Variants in FOXP1 observed in about 807,000 individuals in gnomAD.
FOXP1 encodes forkhead box protein P1.
FOXP1 carries 15 observed loss-of-function variants against 98.2 expected under a neutral mutation model. The observed-to-expected ratio is 0.15, with a 90% CI of 0.10 to 0.24. The LOEUF (loss-of-function observed/expected upper bound fraction) is 0.24, where lower values mean the gene tolerates loss of function less well. Among genes scored for constraint, FOXP1 ranks in the 10% least tolerant of loss-of-function variants. FOXP1 has a pLI of 1.00. For synonymous variants in FOXP1, 371 were observed against 314.5 expected (o/e 1.18, Z -1.90); for missense variants, 633 against 848.5 (o/e 0.75, Z 3.15).
intron 2 of FOXP1, among the ~76,000 whole-genome samples, chr3:71,576,883 T>C (rs1323005580): frequency 1.3e-5 from 2 of 152,138 alleles, no homozygotes; most frequent in East Asian, 3.9e-4. Flanking sequence ...GCTGGCTAGA[T>C]AGGAAACATT....
chr3:71,580,370 T>A (rs1250331376), intron 2 of FOXP1, among the ~76,000 whole-genome samples: 1 of 147,374 alleles, frequency 6.8e-6, no homozygotes, highest in Non-Finnish European at 1.5e-5. Context: ...GCTCTTTAAT[T>A]GTGAGACGTT....
intron 18 of FOXP1, chr3:70,971,993 G>C: frequency 7.4e-7 from 1 of 1,346,216 alleles, no homozygotes. Flanking sequence ...AAAAACAAAA[G>C]CAAGTAAAGG....
intron 4 of FOXP1, among the ~76,000 whole-genome samples, chr3:71,340,133 C>A (rs1166983163): frequency 6.6e-6 from 1 of 152,080 alleles, no homozygotes; most frequent in Non-Finnish European, 1.5e-5. Context: ...GTAGATAACC[C>A]CCTGCCCCCC....
Position 70,955,710 on chromosome 3 carries a change from AAAC to A in FOXP1, c.*3534_*3536del, listed in dbSNP as rs2031598383. The A allele has an allele frequency of 4.3e-6, 1 of 233,540 alleles. No homozygotes were observed. Among genetic ancestry groups the A allele is most frequent in the Non-Finnish European group, 8.5e-6 (1 of 118,014 alleles). The allele number at this position is 233,540 out of a possible 1,614,324, so 14.5% of individuals were successfully genotyped here. A position where few individuals can be genotyped will look rare whatever the true frequency, so the allele number is the denominator to read the frequency against. ...ACTGCAGCAGGAGAAAACATTTTTTAAACAACATTTTTTTTTCTTTTCAAATGT... is the reference window on the plus strand; with the variant it reads ...ACTGCAGCAGGAGAAAACATTTTTTAAACATTTTTTTTTCTTTTCAAATGT... On this transcript the variant is annotated 3_prime_UTR_variant, in exon 21 of 21. Coordinates refer to ENST00000649528, the MANE Select transcript of FOXP1 (RefSeq NM_001349338.3).
intron 3 of FOXP1, among the ~76,000 whole-genome samples, chr3:71,436,390 G>A (rs889429195): frequency 2.6e-5 from 4 of 152,074 alleles, no homozygotes; most frequent in Admixed American, 6.6e-5. Context: ...CAACTGTGCC[G>A]CCGAACTTGT....
chr3:71,497,336 C>G lies in FOXP1; in HGVS notation c.-297-3781G>C, dbSNP rs2091490452. Among the ~76,000 whole-genome samples the G allele has an allele frequency of 2.0e-5, 3 of 152,132 alleles. No homozygotes were observed. The South Asian group carries it at 6.2e-4, about 31-fold the overall frequency. On this transcript the variant is annotated intron_variant, in intron 2 of 20. Transcript: ENST00000649528. ...AGACTTACTTCAGACCAAAAAGAAA[C>G]AATTTCCAGGAGAAAGTTTTTTGAT... is the stretch of plus-strand genomic sequence containing the variant.
Position 71,294,436 on chromosome 3 carries a change from T to A in FOXP1, c.-12+5384A>T, listed in dbSNP as rs895891163. 4.6e-5 allele frequency among the ~76,000 whole-genome samples: 7 copies of A among 152,238 alleles called. No individual in the cohort carries two copies. In the South Asian group the frequency reaches 1.5e-3, roughly 32 times the overall value. On this transcript the variant is annotated intron_variant, in intron 5 of 20. Coordinates refer to ENST00000649528, the MANE Select transcript of FOXP1 (RefSeq NM_001349338.3). ...GACCACTTCTCAAATCAACCAACAA[T>A]TGCCCTTCCTAACACCCATCATCAG... is the stretch of plus-strand genomic sequence containing the variant.
At chr3:71,579,525 A>C (rs2047983178) in intron 2 of FOXP1, among the ~76,000 whole-genome samples, 2 of 152,050 alleles carry the variant, frequency 1.3e-5, no homozygotes, top group South Asian at 4.1e-4. Flanking sequence ...CTAAAAAAAG[A>C]GGTTGTCTAA....
chr3:71,479,788 G>A (rs561873725), intron 3 of FOXP1, among the ~76,000 whole-genome samples: 1 of 151,948 alleles, frequency 6.6e-6, no homozygotes, highest in Non-Finnish European at 1.5e-5. Flanking sequence ...AAGGATTAAG[G>A]ACACATGAAC....
At chr3:71,366,215 C>T (rs2078922038) in intron 3 of FOXP1, among the ~76,000 whole-genome samples, 1 of 152,038 alleles carries the variant, frequency 6.6e-6, no homozygotes, top group East Asian at 1.9e-4. Context: ...CTCAGTTCCC[C>T]ATTAATGTTT....
intron 6 of FOXP1, among the ~76,000 whole-genome samples, chr3:71,134,701 T>G (rs1306906682): frequency 6.6e-6 from 1 of 152,202 alleles, no homozygotes; most frequent in Non-Finnish European, 1.5e-5. Flanking sequence ...ATTGTCTAAC[T>G]GCTGCTCTGC....
Position 70,988,085 on chromosome 3 carries a change from G to A in FOXP1, c.1063-8C>T, listed in dbSNP as rs778409107. 14 of 1,613,260 alleles carry A rather than the reference G, an allele frequency of 8.7e-6. No individual in the cohort carries two copies. The African/African-American group carries it at 9.3e-5, about 11-fold the overall frequency. ...TTCTTTGTCTTTTGCAAGCTGGCAA[G>A]AAGAAAATGCTTTGTTATTTCTCTG... On this transcript the variant is annotated splice_polypyrimidine_tract_variant and splice_region_variant and intron_variant, in intron 13 of 20. Transcript: ENST00000649528.
At chr3:71,260,007 A>G (rs2068959772) in intron 5 of FOXP1, among the ~76,000 whole-genome samples, 1 of 152,190 alleles carries the variant, frequency 6.6e-6, no homozygotes. Flanking sequence ...TATTTGAGAC[A>G]GAGTCTCGCT....
At chr3:71,474,962 C>A (rs897908356) in intron 3 of FOXP1, among the ~76,000 whole-genome samples, 4 of 152,048 alleles carry the variant, frequency 2.6e-5, no homozygotes, top group Non-Finnish European at 5.9e-5. Context: ...ACAGGCCCTG[C>A]CCACTGAAGC....
intron 11 of FOXP1, among the ~76,000 whole-genome samples, chr3:71,019,581 G>A (rs373924786): frequency 6.6e-6 from 1 of 152,114 alleles, no homozygotes; most frequent in Admixed American, 6.5e-5. Context: ...TGTAATTCCA[G>A]CACTTTGGGA....
In FOXP1 at chr3:71,312,352, T is replaced by TA. The variant is rs199807029; in HGVS notation, c.-72-12473dup. Among the ~76,000 whole-genome samples, 746 of 152,242 alleles carry TA rather than the reference T, an allele frequency of 4.9e-3. 27 individuals carry two copies. The highest frequency in any genetic ancestry group is 0.044 in the Admixed American group (680 of 15,300). On this transcript the variant is annotated intron_variant, in intron 4 of 20. Transcript: ENST00000649528. ...CATATAAGGCAGCAGGGTGGAGGTA[T>TA]AGATAATTTTTTTAAGCTAAGTATA...
At chr3:71,580,255 C>T (rs2048058579) in intron 2 of FOXP1, among the ~76,000 whole-genome samples, 1 of 150,720 alleles carries the variant, frequency 6.6e-6, no homozygotes, top group Non-Finnish European at 1.5e-5. Flanking sequence ...GTGGGGGATG[C>T]AGCCAGTGGC....
chr3:71,577,129 G>C (rs1352875038), intron 2 of FOXP1, among the ~76,000 whole-genome samples: 2 of 152,096 alleles, frequency 1.3e-5, no homozygotes, highest in Non-Finnish European at 2.9e-5. Context: ...TTCTAAACAA[G>C]GATTGAAAAA....
intron 11 of FOXP1, among the ~76,000 whole-genome samples, chr3:71,033,841 G>A (rs2047213941): frequency 1.3e-5 from 2 of 152,102 alleles, no homozygotes; most frequent in Non-Finnish European, 2.9e-5. Context: ...CAAACAACAG[G>A]CAGCATGTTT....
Sources: gnomAD v4.1 joint callset for allele counts (sites outside exome capture counted in the v4.1 genomes callset) on GRCh38, gnomAD v4.1.1 for gene constraint, MANE v1.5 for transcripts, NCBI Gene and HGNC (gene_info 2026-07-23, HGNC 2026-07-21) for gene names.